The following SGCD variants were observed in gnomAD, a reference collection of about 807,000 sequenced individuals.
SGCD encodes sarcoglycan delta.
A neutral mutation model predicts 36.6 loss-of-function variants in SGCD; 18 were observed. That is an observed-to-expected ratio of 0.49 (90% CI 0.34 to 0.73). The LOEUF (loss-of-function observed/expected upper bound fraction) is 0.73. Ranked by LOEUF, SGCD falls within the 30% of genes least tolerant of loss-of-function variation. The pLI is 0.01. For synonymous variants in SGCD, 133 were observed against 130.6 expected (o/e 1.02, Z -0.12); for missense variants, 387 against 346.7 (o/e 1.12, Z -0.92).
At chr5:156,601,629 T>TGAATTTTA (rs1395327161) in intron 6 of SGCD, among the ~76,000 whole-genome samples, 2 of 152,188 alleles carry the variant, frequency 1.3e-5, no homozygotes, top group East Asian at 3.8e-4. Flanking sequence ...TGGTTCGAGA[T>TGAATTTTA]GAATTTTAGA....
intron 4 of SGCD, among the ~76,000 whole-genome samples, chr5:156,558,882 A>G (rs1759155689): frequency 6.6e-6 from 1 of 152,192 alleles, no homozygotes; most frequent in Admixed American, 6.5e-5. Flanking sequence ...AAAGACGATC[A>G]GGTGTTCTGA....
At chr5:155,857,373 T>C in the SGCD span, among the ~76,000 whole-genome samples, 1 of 152,174 alleles carries the variant, frequency 6.6e-6, no homozygotes, top group African/African-American at 2.4e-5. Context: ...ATGGACAAAA[T>C]TGGAAGCAAC....
At chr5:156,089,687 C>T (rs980602166) in intron 1 of SGCD, among the ~76,000 whole-genome samples, 3 of 152,212 alleles carry the variant, frequency 2.0e-5, no homozygotes, top group Non-Finnish European at 2.9e-5. Context: ...TTGTATTGCA[C>T]ACCCCTAGTG....
the SGCD span, among the ~76,000 whole-genome samples, chr5:155,741,877 G>A: frequency 6.6e-6 from 1 of 151,874 alleles, no homozygotes; most frequent in East Asian, 1.9e-4. Context: ...TAGAGACAGG[G>A]TTTTGCCATG....
chr5:156,252,338 A>G (rs900331667), intron 3 of SGCD, among the ~76,000 whole-genome samples: 1 of 152,008 alleles, frequency 6.6e-6, no homozygotes, highest in African/African-American at 2.4e-5. Flanking sequence ...CGGCCTCCCA[A>G]CGTGCTGAGA....
chr5:155,813,132 A>G, the SGCD span, among the ~76,000 whole-genome samples: 1 of 152,000 alleles, frequency 6.6e-6, no homozygotes, highest in Non-Finnish European at 1.5e-5. Context: ...GGGCTTGATC[A>G]CAATGACTAT....
intron 3 of SGCD, among the ~76,000 whole-genome samples, chr5:156,189,774 TATC>T (rs1763845505): frequency 6.6e-6 from 1 of 152,162 alleles, no homozygotes; most frequent in Non-Finnish European, 1.5e-5. Flanking sequence ...CAGAAGAACA[TATC>T]ATTGAGAACA....
At chr5:156,732,075 C>A (rs903325472) in intron 7 of SGCD, among the ~76,000 whole-genome samples, 4 of 152,086 alleles carry the variant, frequency 2.6e-5, no homozygotes, top group Non-Finnish European at 1.5e-5. Flanking sequence ...GCTATAGAGT[C>A]ATGTCATTTG....
At chr5:156,749,098 T>C (rs1757055138) in intron 7 of SGCD, among the ~76,000 whole-genome samples, 1 of 151,986 alleles carries the variant, frequency 6.6e-6, no homozygotes. Context: ...ATACAGAAAA[T>C]GTTCTCTATT....
At chr5:156,144,551 T>TG (rs1429106407) in intron 3 of SGCD, among the ~76,000 whole-genome samples, 4 of 152,350 alleles carry the variant, frequency 2.6e-5, no homozygotes, top group Non-Finnish European at 4.4e-5. Flanking sequence ...GAGAAGTGTC[T>TG]GTTCATATCC....
chr5:155,939,657 A>T (rs112739409), intron 1 of SGCD, among the ~76,000 whole-genome samples: 9,124 of 150,156 alleles, frequency 0.061, 503 homozygotes, highest in African/African-American at 0.14. Context: ...AAAAAAAAAA[A>T]AATAATAATA....
chr5:156,429,410 T>C (rs1773830095), intron 3 of SGCD, among the ~76,000 whole-genome samples: 1 of 152,038 alleles, frequency 6.6e-6, no homozygotes, highest in African/African-American at 2.4e-5. Context: ...TCCTTATGTC[T>C]TAAGTGAGTA....
At chr5:155,760,320 A>ACTCTCTCCATCATCATCTCCATCACC in the SGCD span, among the ~76,000 whole-genome samples, 2 of 22 alleles carry the variant, frequency 0.091, no homozygotes, top group South Asian at 0.5. Context: ...CCTCATCATC[A>ACTCTCTCCATCATCATCTCCATCACC]CTCTNNNNNN....
intron 7 of SGCD, among the ~76,000 whole-genome samples, chr5:156,671,552 G>A (rs577389400): frequency 1.3e-5 from 2 of 152,240 alleles, no homozygotes; most frequent in Admixed American, 6.5e-5. Flanking sequence ...GGGATTACAG[G>A]CATGAGCCAC....
chr5:156,740,209 C>T (rs115177134), intron 7 of SGCD, among the ~76,000 whole-genome samples: 5 of 152,236 alleles, frequency 3.3e-5, no homozygotes, highest in East Asian at 1.9e-4. Context: ...TCTCACTCAC[C>T]GTTACTTCAA....
intron 3 of SGCD, among the ~76,000 whole-genome samples, chr5:156,135,800 T>A (rs1218922647): frequency 1.3e-5 from 2 of 152,192 alleles, no homozygotes; most frequent in African/African-American, 4.8e-5. Flanking sequence ...CCCTGGAGAT[T>A]TTTTGGGTTT....
At chr5:156,359,555 C>A (rs777154391) in intron 3 of SGCD, among the ~76,000 whole-genome samples, 3 of 152,152 alleles carry the variant, frequency 2.0e-5, no homozygotes, top group African/African-American at 2.4e-5. Context: ...ATAAAGCCAG[C>A]CTAGACCCAG....
chr5:155,859,286 C>G, the SGCD span, among the ~76,000 whole-genome samples: 1 of 151,928 alleles, frequency 6.6e-6, no homozygotes, highest in South Asian at 2.1e-4. Context: ...AGGCTGGTCT[C>G]AAACTCCTGG....
chr5:155,953,911 A>G (rs1417108162), intron 1 of SGCD, among the ~76,000 whole-genome samples: 4 of 152,200 alleles, frequency 2.6e-5, no homozygotes, highest in African/African-American at 7.2e-5. Flanking sequence ...TTTACCTAAT[A>G]CCTACTGAGA....
Sources: gnomAD v4.1 joint callset for allele counts (sites outside exome capture counted in the v4.1 genomes callset) on GRCh38, gnomAD v4.1.1 for gene constraint, MANE v1.5 for transcripts, NCBI Gene and HGNC (gene_info 2026-07-23, HGNC 2026-07-21) for gene names.